The following RNF180 variants were observed in gnomAD, a reference collection of about 807,000 sequenced individuals.
RNF180 encodes E3 ubiquitin-protein ligase RNF180.
RNF180 carries 38 observed loss-of-function variants against 59.2 expected under a neutral mutation model. The observed-to-expected ratio is 0.64, with a 90% CI of 0.50 to 0.84. The LOEUF is 0.84. Ranked by LOEUF, RNF180 falls within the 40% of genes least tolerant of loss-of-function variation. The pLI is 0.00. For missense variants in RNF180, 705 were observed against 700.9 expected (o/e 1.01, Z -0.07); for synonymous variants, 262 against 240.3 (o/e 1.09, Z -0.84).
chr5:64,177,247 G>C (rs1389866), intron 1 of RNF180, among the ~76,000 whole-genome samples: 1 of 151,848 alleles, frequency 6.6e-6, no homozygotes, highest in Non-Finnish European at 1.5e-5. Flanking sequence ...ACACATTCCC[G>C]ACTTAGTGTT....
chr5:64,276,319 GGT>G (rs375203511), intron 5 of RNF180, among the ~76,000 whole-genome samples: 21,554 of 137,972 alleles, frequency 0.16, 1,589 homozygotes, highest in Middle Eastern at 0.17. Flanking sequence ...AAAATACATT[GGT>G]GTGTGTGTGT....
intron 1 of RNF180, among the ~76,000 whole-genome samples, chr5:64,179,322 T>C (rs71626541): frequency 0.029 from 4,360 of 152,284 alleles, 119 homozygotes; most frequent in Non-Finnish European, 0.042. Context: ...TTTTTCCTTT[T>C]TTGTTTTAAA....
chr5:64,182,474 T>C (rs957861424), intron 1 of RNF180, among the ~76,000 whole-genome samples: 2 of 152,182 alleles, frequency 1.3e-5, no homozygotes, highest in African/African-American at 2.4e-5. Flanking sequence ...GAAAACAAGC[T>C]AAATTGCATA....
chr5:64,299,932 C>T (rs1483806413), intron 5 of RNF180, among the ~76,000 whole-genome samples: 1 of 151,728 alleles, frequency 6.6e-6, no homozygotes, highest in Non-Finnish European at 1.5e-5. Flanking sequence ...CTAGATCCTG[C>T]CCAGGATGTG....
In RNF180 at chr5:64,178,556, G is replaced by A. The variant is rs73100370; in HGVS notation, c.-1+12603G>A. 8.1e-3 allele frequency among the ~76,000 whole-genome samples: 1,238 copies of A among 152,262 alleles called. 17 individuals carry two copies. Among genetic ancestry groups the A allele is most frequent in the African/African-American group, 0.028 (1,183 of 41,546 alleles). On this transcript the variant is annotated intron_variant, in intron 1 of 7. Coordinates refer to ENST00000389100, the MANE Select transcript of RNF180 (RefSeq NM_001113561.2). ...TTGTGCTGTTTTTATTTCTTGAAAG[G>A]CACCTATGTTTTTCTAGTCTAATTC...
At chr5:64,218,267 T>G (rs1178405990) in intron 5 of RNF180, among the ~76,000 whole-genome samples, 1 of 152,174 alleles carries the variant, frequency 6.6e-6, no homozygotes, top group African/African-American at 2.4e-5. Flanking sequence ...TACATAAAAT[T>G]GAGAATTAGG....
At chr5:64,270,828 T>C (rs567822041) in intron 5 of RNF180, among the ~76,000 whole-genome samples, 2 of 152,246 alleles carry the variant, frequency 1.3e-5, no homozygotes, top group African/African-American at 2.4e-5. Flanking sequence ...CATATTAAAT[T>C]GTATCTGAAA....
intron 7 of RNF180, among the ~76,000 whole-genome samples, chr5:64,336,449 T>C (rs1017401188): frequency 1.3e-5 from 2 of 152,166 alleles, no homozygotes; most frequent in Admixed American, 6.5e-5. Context: ...CTAATGAATA[T>C]CCTACTGTGG....
In RNF180 at chr5:64,370,134, T is replaced by C. The variant is rs1746611426; in HGVS notation, c.*320T>C. On this transcript the variant is annotated 3_prime_UTR_variant, in exon 8 of 8. Transcript: ENST00000389100. ...GATTGTAAAAAACTGAAGTTTTCTC[T>C]CCACTTAAAAATAGTAAAAATACAA... 6.0e-6 allele frequency: 1 copy of C among 167,470 alleles called. No individual in the cohort carries two copies. The highest frequency in any genetic ancestry group is 2.4e-5 in the African/African-American group (1 of 42,112). 10.4% of individuals were successfully genotyped at this position (167,470 alleles called of 1,614,324 possible).
chr5:64,296,122 A>G (rs757698599), intron 5 of RNF180, among the ~76,000 whole-genome samples: 9 of 152,180 alleles, frequency 5.9e-5, no homozygotes, highest in Non-Finnish European at 1.2e-4. Flanking sequence ...CAACTATGAC[A>G]GGGACTTGAA....
intron 5 of RNF180, among the ~76,000 whole-genome samples, chr5:64,267,904 C>A (rs193174024): frequency 6.6e-6 from 1 of 152,152 alleles, no homozygotes; most frequent in African/African-American, 2.4e-5. Context: ...AGTGCTGATA[C>A]TGCTGTGATT....
At chr5:64,275,025 G>A (rs939831186) in intron 5 of RNF180, among the ~76,000 whole-genome samples, 1 of 151,820 alleles carries the variant, frequency 6.6e-6, no homozygotes, top group African/African-American at 2.4e-5. Context: ...ATCCAAAACT[G>A]TCAAATTTGG....
At chr5:64,267,006 A>C (rs1371842728) in intron 5 of RNF180, among the ~76,000 whole-genome samples, 4 of 152,096 alleles carry the variant, frequency 2.6e-5, no homozygotes, top group African/African-American at 9.7e-5. Flanking sequence ...ATTTTTGCTG[A>C]AGAAATATTA....
intron 5 of RNF180, among the ~76,000 whole-genome samples, chr5:64,242,819 C>G (rs1469252781): frequency 6.6e-6 from 1 of 152,200 alleles, no homozygotes; most frequent in Non-Finnish European, 1.5e-5. Flanking sequence ...ATAGGAACAG[C>G]TCCGGTCTGC....
At chr5:64,235,582 A>G (rs907415273) in intron 5 of RNF180, among the ~76,000 whole-genome samples, 4 of 151,582 alleles carry the variant, frequency 2.6e-5, no homozygotes, top group Admixed American at 6.6e-5. Flanking sequence ...TACAATTCCA[A>G]AGTTTTCTAG....
rs1162054033 is a variant in RNF180, at chr5:64,346,359, C to CTTTTTTTTTTTTTTTTTTTTT, written c.1579+15960_1579+15980dup. Reference sequence around the variant, plus strand: ...TCTATTCTTCTTTTTTTCTTTTCTTCTTTTTTTTTTTTTTTTTTTTTTTTT... The same window carrying CTTTTTTTTTTTTTTTTTTTTT: ...TCTATTCTTCTTTTTTTCTTTTCTTCTTTTTTTTTTTTTTTTTTTTTTTTTTTTTTTTTTTTTTTTTTTTTT... On this transcript the variant is annotated intron_variant, in intron 7 of 7. Coordinates refer to ENST00000389100, the MANE Select transcript of RNF180 (RefSeq NM_001113561.2). Among the ~76,000 whole-genome samples the CTTTTTTTTTTTTTTTTTTTTT allele has an allele frequency of 6.5e-4, 28 of 42,952 alleles. 3 individuals are homozygous for CTTTTTTTTTTTTTTTTTTTTT. Among genetic ancestry groups the CTTTTTTTTTTTTTTTTTTTTT allele is most frequent in the Admixed American group, 9.0e-4 (3 of 3,326 alleles). The allele number at this position is 42,952 out of a possible 152,430, so 28.2% of individuals were successfully genotyped here. A position where few individuals can be genotyped will look rare whatever the true frequency, so the allele number is the denominator to read the frequency against.
chr5:64,170,078 G>T (rs557536655), intron 1 of RNF180, among the ~76,000 whole-genome samples: 1 of 152,156 alleles, frequency 6.6e-6, no homozygotes. Context: ...ACCTGTCAAG[G>T]CATGAGGTTG....
intron 7 of RNF180, among the ~76,000 whole-genome samples, chr5:64,358,061 C>A (rs1164463217): frequency 6.6e-6 from 1 of 151,794 alleles, no homozygotes; most frequent in South Asian, 2.1e-4. Flanking sequence ...TCACCTGTTT[C>A]TTCAGCAGTT....
At chr5:64,259,105 G>A (rs1401050985) in intron 5 of RNF180, among the ~76,000 whole-genome samples, 1 of 152,138 alleles carries the variant, frequency 6.6e-6, no homozygotes, top group African/African-American at 2.4e-5. Context: ...AATTAAATGG[G>A]GCGGGAGTGG....
Sources: gnomAD v4.1 joint callset for allele counts (sites outside exome capture counted in the v4.1 genomes callset) on GRCh38, gnomAD v4.1.1 for gene constraint, MANE v1.5 for transcripts, NCBI Gene and HGNC (gene_info 2026-07-23, HGNC 2026-07-21) for gene names.